Variants in LMNTD1 observed in about 807,000 individuals in gnomAD.
LMNTD1 encodes the protein lamin tail domain containing 1.
In LMNTD1, 35 loss-of-function variants were observed where a neutral mutation model predicts 50.9. The observed-to-expected ratio is 0.69, with a 90% CI of 0.53 to 0.91. The LOEUF is 0.91. Among genes scored for constraint, LMNTD1 ranks in the 40% least tolerant of loss-of-function variants. The pLI is 0.00. For synonymous variants in LMNTD1, 153 were observed against 161.9 expected, an observed-to-expected ratio of 0.94 and a Z score of 0.42; for missense variants, 470 against 475.5, an observed-to-expected ratio of 0.99 and a Z score of 0.11.
At chr12:25,639,081 A>C (rs550799408) in intron 1 of LMNTD1, among the ~76,000 whole-genome samples, 17 of 152,254 alleles carry the variant, frequency 1.1e-4, no homozygotes, top group Admixed American at 9.8e-4. Flanking sequence ...TGGTGTTTTC[A>C]ACAAATTATA....
chr12:25,508,116 G>GT, intron 8 of LMNTD1, among the ~76,000 whole-genome samples: 1 of 122,596 alleles, frequency 8.2e-6, no homozygotes, highest in African/African-American at 2.9e-5. Flanking sequence ...TTATTGTTAA[G>GT]TTTTTTAAAA....
chr12:25,481,900 C>G (rs1482698377), intron 9 of LMNTD1, among the ~76,000 whole-genome samples: 1 of 149,492 alleles, frequency 6.7e-6, no homozygotes, highest in African/African-American at 2.5e-5. Context: ...CACACACACA[C>G]ACACACATAT....
At chr12:25,533,639 C>T (rs764257914) in intron 4 of LMNTD1, among the ~76,000 whole-genome samples, 1 of 152,032 alleles carries the variant, frequency 6.6e-6, no homozygotes, top group South Asian at 2.1e-4. Flanking sequence ...ATTTAAGAGT[C>T]CTTAAATTTT....
chr12:25,612,401 T>C (rs1399338093), intron 1 of LMNTD1, among the ~76,000 whole-genome samples: 1 of 151,990 alleles, frequency 6.6e-6, no homozygotes, highest in Non-Finnish European at 1.5e-5. Flanking sequence ...TTTTACACTT[T>C]TAGGCTTTGG....
intron 1 of LMNTD1, among the ~76,000 whole-genome samples, chr12:25,575,386 T>C (rs892608774): frequency 4.6e-5 from 7 of 152,144 alleles, no homozygotes; most frequent in Non-Finnish European, 7.4e-5. Context: ...CTCTGACTGG[T>C]AGTGTCCCTA....
intron 1 of LMNTD1, among the ~76,000 whole-genome samples, chr12:25,608,613 A>G (rs980812092): frequency 3.9e-5 from 6 of 152,196 alleles, no homozygotes; most frequent in Non-Finnish European, 8.8e-5. Flanking sequence ...GCTGGATATG[A>G]AATTCTGGGT....
At chr12:25,604,581 G>A (rs1458450934) in intron 1 of LMNTD1, among the ~76,000 whole-genome samples, 1 of 151,532 alleles carries the variant, frequency 6.6e-6, no homozygotes, top group Admixed American at 6.6e-5. Flanking sequence ...TCCCACCTAT[G>A]AGTGAGAACA....
intron 1 of LMNTD1, among the ~76,000 whole-genome samples, chr12:25,584,815 T>C (rs1225161634): frequency 6.6e-6 from 1 of 152,190 alleles, no homozygotes. Flanking sequence ...CATCATAGAC[T>C]GGGGTCTAAT....
intron 1 of LMNTD1, among the ~76,000 whole-genome samples, chr12:25,627,469 G>GC (rs1221001923): frequency 6.6e-6 from 1 of 152,132 alleles, no homozygotes; most frequent in Non-Finnish European, 1.5e-5. Context: ...ATGTTAGCAT[G>GC]CCCTGAATGT....
At chr12:25,593,804 A>G (rs1945772126) in intron 1 of LMNTD1, among the ~76,000 whole-genome samples, 2 of 151,938 alleles carry the variant, frequency 1.3e-5, no homozygotes, top group Admixed American at 6.6e-5. Flanking sequence ...GGAAATTAAA[A>G]AAAAAAAAAA....
In LMNTD1 at chr12:25,476,278, G is replaced by T. The variant is rs1164930812; in HGVS notation, c.*205C>A. On this transcript the variant is annotated 3_prime_UTR_variant, in exon 10 of 10. Coordinates refer to ENST00000458174, the MANE Select transcript of LMNTD1 (RefSeq NM_001145728.2). ...TTGGAAGGCAGGAGTGGTAGGACTT[G>T]TGATTTCATCAAGCATCTATAATTC... 2.0e-5 allele frequency: 3 copies of T among 152,174 alleles called. No homozygotes were observed. Among genetic ancestry groups the T allele is most frequent in the African/African-American group, 7.2e-5 (3 of 41,438 alleles). 9.4% of individuals were successfully genotyped at this position (152,174 alleles called of 1,614,324 possible). A position where few individuals can be genotyped will look rare whatever the true frequency, so the allele number is the denominator to read the frequency against.
intron 2 of LMNTD1, among the ~76,000 whole-genome samples, chr12:25,552,066 G>A (rs1943778840): frequency 6.6e-6 from 1 of 151,928 alleles, no homozygotes; most frequent in Non-Finnish European, 1.5e-5. Flanking sequence ...AATAAACATA[G>A]GACTTGTAGG....
intron 4 of LMNTD1, among the ~76,000 whole-genome samples, chr12:25,529,918 C>G (rs548655495): frequency 7.9e-5 from 12 of 152,266 alleles, no homozygotes; most frequent in Non-Finnish European, 1.2e-4. Flanking sequence ...GAATTCCTTG[C>G]AAGAGCATGA....
At chr12:25,516,259 A>G (rs1418857713) in intron 8 of LMNTD1, among the ~76,000 whole-genome samples, 1 of 152,206 alleles carries the variant, frequency 6.6e-6, no homozygotes, top group Non-Finnish European at 1.5e-5. Context: ...AACGATGTAT[A>G]AAGACTTTAG....
chr12:25,597,924 C>T (rs1177895755), intron 1 of LMNTD1, among the ~76,000 whole-genome samples: 1 of 152,104 alleles, frequency 6.6e-6, no homozygotes, highest in Non-Finnish European at 1.5e-5. Context: ...TAATAATCCC[C>T]ACTTGTTGTG....
chr12:25,487,866 G>T (rs376688867), intron 9 of LMNTD1, among the ~76,000 whole-genome samples: 1 of 95,270 alleles, frequency 1.0e-5, no homozygotes, highest in Non-Finnish European at 2.1e-5. Context: ...TGTCTGTAAA[G>T]TATTTTATTT....
chr12:25,578,452 A>G lies in LMNTD1; in HGVS notation c.59-31898T>C, dbSNP rs180922731. On this transcript the variant is annotated intron_variant, in intron 1 of 7. Transcript: ENST00000445693. ...AGATCCTCATAGGAGCAAGTAACCAAATAAAAGTAAAATATGATTTCAATG... is the reference window on the plus strand; with the variant it reads ...AGATCCTCATAGGAGCAAGTAACCAGATAAAAGTAAAATATGATTTCAATG... 1.6e-3 allele frequency among the ~76,000 whole-genome samples: 246 copies of G among 152,314 alleles called. 3 individuals carry two copies. Among genetic ancestry groups the G allele is most frequent in the Middle Eastern group, 6.8e-3 (2 of 294 alleles).
intron 8 of LMNTD1, among the ~76,000 whole-genome samples, chr12:25,510,155 T>TA (rs1428085917): frequency 6.6e-6 from 1 of 152,202 alleles, no homozygotes; most frequent in African/African-American, 2.4e-5. Flanking sequence ...TACTTCTCTC[T>TA]ATAGCTCTGC....
At chr12:25,584,599 A>ACT (rs1483333574) in intron 1 of LMNTD1, among the ~76,000 whole-genome samples, 1 of 152,250 alleles carries the variant, frequency 6.6e-6, no homozygotes, top group Admixed American at 6.5e-5. Context: ...TGCAAATGTG[A>ACT]CTACATGTAA....
Sources: gnomAD v4.1 joint callset for allele counts (sites outside exome capture counted in the v4.1 genomes callset) on GRCh38, gnomAD v4.1.1 for gene constraint, MANE v1.5 for transcripts, NCBI Gene and HGNC (gene_info 2026-07-23, HGNC 2026-07-21) for gene names.